The following ELOC variants were observed in gnomAD, a reference collection of about 807,000 sequenced individuals.
ELOC encodes elongin-C.
For missense variants in ELOC, 38 were observed against 139.0 expected (o/e 0.27, Z 3.65); for synonymous variants, 40 against 51.3 (o/e 0.78, Z 0.94).
chr8:73,964,981 T>C (rs757505422), intron 1 of ELOC, among the ~76,000 whole-genome samples: 1 of 145,166 alleles, frequency 6.9e-6, no homozygotes, highest in African/African-American at 2.6e-5. Flanking sequence ...CAGGCCATGA[T>C]GGTTCCACTG....
chr8:73,950,682 G>C (rs1348129303), intron 3 of ELOC, among the ~76,000 whole-genome samples: 1 of 152,170 alleles, frequency 6.6e-6, no homozygotes, highest in East Asian at 1.9e-4. Context: ...AGACATGATA[G>C]AACAGGAATA....
intron 1 of ELOC, among the ~76,000 whole-genome samples, chr8:73,961,642 T>C (rs1814606800): frequency 6.6e-6 from 1 of 151,834 alleles, no homozygotes; most frequent in South Asian, 2.1e-4. Context: ...GCCTCCCCAG[T>C]AGCTGGGATT....
At chr8:73,968,150 CTGTT>C (rs1207547068) in intron 1 of ELOC, among the ~76,000 whole-genome samples, 1 of 152,186 alleles carries the variant, frequency 6.6e-6, no homozygotes, top group Non-Finnish European at 1.5e-5. Context: ...AATTTCTACT[CTGTT>C]TGACATTTCT....
intron 1 of ELOC, among the ~76,000 whole-genome samples, chr8:73,966,402 T>A (rs1814971668): frequency 6.6e-6 from 1 of 150,658 alleles, no homozygotes; most frequent in African/African-American, 2.4e-5. Context: ...GGAAAAGAGG[T>A]GAGAGTTTGG....
At chr8:73,953,777 G>C (rs1813945084) in intron 3 of ELOC, among the ~76,000 whole-genome samples, 1 of 152,134 alleles carries the variant, frequency 6.6e-6, no homozygotes, top group Non-Finnish European at 1.5e-5. Flanking sequence ...CCGTGAAACA[G>C]TTCTGTGGCT....
At chr8:73,952,379 C>A (rs559558027) in intron 3 of ELOC, among the ~76,000 whole-genome samples, 16 of 151,250 alleles carry the variant, frequency 1.1e-4, no homozygotes, top group Admixed American at 1.1e-3. Context: ...TGCACTCCAG[C>A]CTGGGTGACA....
chr8:73,964,159 T>C (rs191007363), intron 1 of ELOC, among the ~76,000 whole-genome samples: 46 of 147,518 alleles, frequency 3.1e-4, no homozygotes, highest in African/African-American at 1.1e-3. Context: ...TCACAGTATG[T>C]TAAGTGGTCC....
chr8:73,969,099 T>TC (rs776088225), intron 1 of ELOC, among the ~76,000 whole-genome samples: 20 of 152,166 alleles, frequency 1.3e-4, no homozygotes, highest in Non-Finnish European at 2.5e-4. Context: ...CCCTAGTTTT[T>TC]CTCCCGAGTG....
intron 3 of ELOC, among the ~76,000 whole-genome samples, chr8:73,951,503 T>A (rs998996881): frequency 2.6e-5 from 4 of 151,500 alleles, no homozygotes; most frequent in African/African-American, 9.7e-5. Context: ...AAATACAATT[T>A]AAAAAAAGGT....
intron 1 of ELOC, among the ~76,000 whole-genome samples, chr8:73,969,834 T>C (rs939348252): frequency 6.6e-6 from 1 of 152,344 alleles, no homozygotes; most frequent in East Asian, 1.9e-4. Flanking sequence ...TGGCACTTAG[T>C]AGATGCTCAA....
intron 3 of ELOC, among the ~76,000 whole-genome samples, chr8:73,954,695 G>A (rs1814030892): frequency 6.6e-6 from 1 of 150,422 alleles, no homozygotes; most frequent in Admixed American, 6.7e-5. Flanking sequence ...GTAGCAACTT[G>A]TTTTATCTAG....
chr8:73,957,954 T>C (rs1171202384), intron 2 of ELOC, among the ~76,000 whole-genome samples: 2 of 151,954 alleles, frequency 1.3e-5, no homozygotes, highest in South Asian at 2.1e-4. Flanking sequence ...AATTTTTGTA[T>C]TTAGTAGAGA....
intron 2 of ELOC, among the ~76,000 whole-genome samples, chr8:73,957,669 G>T (rs757666129): frequency 3.1e-4 from 47 of 152,154 alleles, no homozygotes; most frequent in Non-Finnish European, 6.8e-4. Context: ...AATTAAAATT[G>T]AGGAATAGTC....
intron 1 of ELOC, among the ~76,000 whole-genome samples, chr8:73,971,032 C>CAAAAAAAAAAAA (rs67188912): frequency 1.3e-3 from 82 of 61,984 alleles, no homozygotes; most frequent in East Asian, 2.0e-3. Context: ...GACTCCGTCT[C>CAAAAAAAAAAAA]AAAAAAAAAA....
intron 1 of ELOC, among the ~76,000 whole-genome samples, chr8:73,968,489 T>C (rs1300516392): frequency 2.0e-5 from 3 of 152,234 alleles, no homozygotes; most frequent in African/African-American, 7.2e-5. Context: ...TATAAGCAGA[T>C]ATTCCCAACA....
chr8:73,947,680 C>T (rs868509889), intron 3 of ELOC, among the ~76,000 whole-genome samples: 9 of 151,420 alleles, frequency 5.9e-5, no homozygotes, highest in African/African-American at 2.2e-4. Flanking sequence ...CTCAAGTGAT[C>T]CTCCCACCTC....
At chr8:73,954,757 C>T (rs566347346) in intron 3 of ELOC, among the ~76,000 whole-genome samples, 5 of 148,972 alleles carry the variant, frequency 3.4e-5, no homozygotes, top group Admixed American at 2.0e-4. Flanking sequence ...ATGGGCCGGG[C>T]GCAGTGGCTC....
chr8:73,946,927 T>A, intron 3 of ELOC, 107 bp from the exon 4 acceptor site: 1 of 882,948 alleles, frequency 1.1e-6, no homozygotes, highest in Non-Finnish European at 1.7e-6. Context: ...TATTTAGAGA[T>A]AAGTTCTTTA....
At chr8:73,967,409 T>C (rs1815062628) in intron 1 of ELOC, among the ~76,000 whole-genome samples, 1 of 151,936 alleles carries the variant, frequency 6.6e-6, no homozygotes, top group South Asian at 2.1e-4. Context: ...AGTGTGGCTA[T>C]GATCCAACAA....
Sources: gnomAD v4.1 joint callset for allele counts (sites outside exome capture counted in the v4.1 genomes callset) on GRCh38, gnomAD v4.1.1 for gene constraint, MANE v1.5 for transcripts, NCBI Gene and HGNC (gene_info 2026-07-23, HGNC 2026-07-21) for gene names.